The following CNTNAP4 variants were observed in gnomAD, a reference collection of about 807,000 sequenced individuals.
CNTNAP4 encodes the protein contactin-associated protein-like 4.
Under a neutral mutation model 148.4 loss-of-function variants are expected in CNTNAP4, and 98 were observed. The observed-to-expected ratio is 0.66, with a 90% CI of 0.56 to 0.78. The LOEUF is 0.78. Among genes scored for constraint, CNTNAP4 ranks in the 30% least tolerant of loss-of-function variants. CNTNAP4 has a pLI of 0.00. For missense variants in CNTNAP4, 1,935 were observed against 1,565.6 expected (o/e 1.24, Z -3.98); for synonymous variants, 730 against 565.1 (o/e 1.29, Z -4.14).
At chr16:76,479,641 A>G (rs2081740203) in intron 12 of CNTNAP4, 103 bp downstream of exon 12, 1 of 1,160,348 alleles carries the variant, frequency 8.6e-7, no homozygotes, top group Non-Finnish European at 1.2e-6. Context: ...TTGCAACTTG[A>G]TTAAAATATG....
At chr16:76,386,427 AC>A (rs2016520455) in intron 3 of CNTNAP4, among the ~76,000 whole-genome samples, 1 of 152,152 alleles carries the variant, frequency 6.6e-6, no homozygotes, top group Non-Finnish European at 1.5e-5. Context: ...GGTTAATAAG[AC>A]CAAAATTTAA....
chr16:76,534,451 A>G (rs2084127968), intron 17 of CNTNAP4, among the ~76,000 whole-genome samples: 1 of 152,224 alleles, frequency 6.6e-6, no homozygotes, highest in Non-Finnish European at 1.5e-5. Context: ...TTCTTTTTAG[A>G]GGCCTCATAA....
At chr16:76,521,041 C>T in intron 15 of CNTNAP4, 99 bp from the exon 16 acceptor site, 2 of 1,155,884 alleles carry the variant, frequency 1.7e-6, no homozygotes, top group Non-Finnish European at 2.5e-6. Context: ...TTTTAAATAG[C>T]AAAAGTGCTA....
At position 76,351,686 on chromosome 16, in the gene CNTNAP4, A is replaced by G. The variant is rs1233984884; in HGVS notation, c.197-3632A>G. 5.3e-5 allele frequency among the ~76,000 whole-genome samples: 8 copies of G among 152,202 alleles called. No individual in the cohort carries two copies. The East Asian group carries it at 1.3e-3, about 26-fold the overall frequency. On this transcript the variant is annotated intron_variant, in intron 2 of 23. Coordinates refer to ENST00000611870, the MANE Select transcript of CNTNAP4 (RefSeq NM_033401.5). ...CATACCAGTAGTACCTTTTCACCCC[A>G]GGTAAGGAATTGAAATGTTCAAGGT...
chr16:76,459,207 C>G (rs1440428692), intron 8 of CNTNAP4, among the ~76,000 whole-genome samples: 2 of 152,166 alleles, frequency 1.3e-5, no homozygotes, highest in African/African-American at 4.8e-5. Flanking sequence ...TAAGAAATTT[C>G]TCTCTAAATG....
intron 21 of CNTNAP4, among the ~76,000 whole-genome samples, chr16:76,549,120 C>G (rs1171520085): frequency 6.6e-6 from 1 of 151,992 alleles, no homozygotes; most frequent in Non-Finnish European, 1.5e-5. Flanking sequence ...GGCTTCCTAC[C>G]TTCTGGGTTG....
chr16:76,371,250 A>G (rs2014785854), intron 3 of CNTNAP4, among the ~76,000 whole-genome samples: 1 of 152,104 alleles, frequency 6.6e-6, no homozygotes, highest in Non-Finnish European at 1.5e-5. Context: ...ACCAGGGTAT[A>G]TATGTACCTT....
intron 4 of CNTNAP4, among the ~76,000 whole-genome samples, chr16:76,444,374 T>C (rs2143081396): frequency 6.6e-6 from 1 of 152,086 alleles, no homozygotes; most frequent in Non-Finnish European, 1.5e-5. Flanking sequence ...TGTTAGAAGA[T>C]GTTCTACAAT....
At position 76,501,714 on chromosome 16, in the gene CNTNAP4, G is replaced by C. The variant is rs558549679; in HGVS notation, c.2365+3020G>C. 3.4e-3 allele frequency among the ~76,000 whole-genome samples: 516 copies of C among 152,214 alleles called. 2 individuals carry two copies. Among genetic ancestry groups the C allele is most frequent in the African/African-American group, 0.012 (485 of 41,544 alleles). On this transcript the variant is annotated intron_variant, in intron 15 of 23. Transcript: ENST00000611870. Reference sequence around the variant, plus strand: ...CCCAAATGTCAGTAGTACTGAGGCTGAGAAACTAGAGCTTTGAACTACTGT... The same window carrying C: ...CCCAAATGTCAGTAGTACTGAGGCTCAGAAACTAGAGCTTTGAACTACTGT...
intron 7 of CNTNAP4, 135 bp from the exon 8 acceptor site, chr16:76,452,373 T>C: frequency 1.3e-6 from 1 of 762,766 alleles, no homozygotes; most frequent in Non-Finnish European, 2.1e-6. Flanking sequence ...ATGGCAGTGG[T>C]TTGGACTGTC....
At chr16:76,442,734 C>T (rs1475328103) in intron 4 of CNTNAP4, among the ~76,000 whole-genome samples, 1 of 152,098 alleles carries the variant, frequency 6.6e-6, no homozygotes, top group East Asian at 1.9e-4. Flanking sequence ...TGAGAACAGC[C>T]ACAAACCATT....
chr16:76,391,915 C>T (rs146220783), intron 3 of CNTNAP4, among the ~76,000 whole-genome samples: 17 of 152,312 alleles, frequency 1.1e-4, no homozygotes, highest in African/African-American at 4.1e-4. Context: ...TTCCACAGGA[C>T]TTAGCTTGTA....
chr16:76,541,563 T>C (rs1452969991), intron 21 of CNTNAP4, among the ~76,000 whole-genome samples: 2 of 152,252 alleles, frequency 1.3e-5, no homozygotes, highest in Admixed American at 1.3e-4. Flanking sequence ...GACACTAATC[T>C]GAAATATTTT....
chr16:76,528,121 G>A (rs1324927524), intron 17 of CNTNAP4, among the ~76,000 whole-genome samples: 1 of 152,252 alleles, frequency 6.6e-6, no homozygotes, highest in East Asian at 1.9e-4. Flanking sequence ...ATATTAATTT[G>A]AGATACTGTG....
intron 12 of CNTNAP4, among the ~76,000 whole-genome samples, chr16:76,483,306 G>A (rs2081910953): frequency 6.7e-6 from 1 of 149,016 alleles, no homozygotes; most frequent in Admixed American, 6.7e-5. Flanking sequence ...CAGTCGTTAT[G>A]TTCCGTAAAG....
intron 3 of CNTNAP4, among the ~76,000 whole-genome samples, chr16:76,365,239 T>A (rs969142762): frequency 6.6e-6 from 1 of 152,198 alleles, no homozygotes; most frequent in Admixed American, 6.5e-5. Flanking sequence ...TCTATATATC[T>A]GTTTTGATAT....
intron 10 of CNTNAP4, among the ~76,000 whole-genome samples, chr16:76,475,512 T>C (rs2081540786): frequency 6.6e-6 from 1 of 152,234 alleles, no homozygotes; most frequent in Non-Finnish European, 1.5e-5. Context: ...CCTAGAAGTA[T>C]ACCTCAAGTG....
In CNTNAP4 at chr16:76,279,545, A is replaced by G. The variant is rs190862323; in HGVS notation, c.85+1798A>G. ...ATCCCTCACTGACACTTAAAATTTC[A>G]GTGCTGGTTCTATATTCTTTCAGCC... On this transcript the variant is annotated intron_variant, in intron 1 of 23. Transcript: ENST00000611870. 1.5e-3 allele frequency among the ~76,000 whole-genome samples: 229 copies of G among 152,274 alleles called. 1 individual carries two copies. The highest frequency in any genetic ancestry group is 2.5e-3 in the Non-Finnish European group (171 of 68,014).
In CNTNAP4 at chr16:76,522,125, C is replaced by A; in HGVS notation, c.2623C>A (p.Gln875Lys). ...GTCACCCACCCACTTCAACGACAAC[C>A]AGTGGCACCATGTGAGGGTTGAAAG... Reference protein sequence around the residue: ...VQSPTHFNDNQWHHVRVERNM... With the variant: ...VQSPTHFNDNKWHHVRVERNM... The change falls in exon 17 of 24, where the codon CAG becomes AAG. Residue 875 changes from glutamine (Q) to lysine (K), a missense_variant. Transcript: ENST00000611870. The A allele has an allele frequency of 6.2e-7, 1 of 1,613,946 alleles. No homozygotes were observed. Among genetic ancestry groups the A allele is most frequent in the Non-Finnish European group, 8.5e-7 (1 of 1,179,872 alleles).
Sources: gnomAD v4.1 joint callset for allele counts (sites outside exome capture counted in the v4.1 genomes callset) on GRCh38, gnomAD v4.1.1 for gene constraint, MANE v1.5 for transcripts, NCBI Gene and HGNC (gene_info 2026-07-23, HGNC 2026-07-21) for gene names.